The following FGF12 variants were observed in gnomAD, a reference collection of about 807,000 sequenced individuals.
FGF12 encodes fibroblast growth factor 12.
In FGF12, 14 loss-of-function variants were observed where a neutral mutation model predicts 23.6. That is an observed-to-expected ratio of 0.59 (90% CI 0.39 to 0.93). FGF12 has a LOEUF of 0.93. Ranked by LOEUF, FGF12 falls within the 40% of genes least tolerant of loss-of-function variation. The probability of loss-of-function intolerance (pLI) is 0.00; values close to 1 mark genes in which losing one functional copy is unlikely to be tolerated. For synonymous variants in FGF12, 62 were observed against 77.3 expected (o/e 0.80, Z 1.04); for missense variants, 175 against 217.8 (o/e 0.80, Z 1.24).
At chr3:192,655,019 C>T (rs925157436) in intron 2 of FGF12, among the ~76,000 whole-genome samples, 1 of 152,072 alleles carries the variant, frequency 6.6e-6, no homozygotes, top group African/African-American at 2.4e-5. Context: ...TATTTGAGCA[C>T]AAGGAACAAA....
chr3:192,143,206 T>C lies in FGF12; in HGVS notation c.*803A>G, dbSNP rs1012719032. On this transcript the variant is annotated 3_prime_UTR_variant, in exon 6 of 6. Transcript: ENST00000445105. ...TCACTTCAGCATTAGAACAGTAATG[T>C]TTTTGCTAAATTACTAAAAAAAAAA... The C allele has an allele frequency of 6.7e-6, 1 of 149,582 alleles. No homozygotes were observed. The highest frequency in any genetic ancestry group is 2.5e-5 in the African/African-American group (1 of 40,636). 9.3% of individuals were successfully genotyped at this position (149,582 alleles called of 1,614,324 possible). A position where few individuals can be genotyped will look rare whatever the true frequency, so the allele number is the denominator to read the frequency against.
At chr3:192,339,401 A>T (rs10937541) in intron 3 of FGF12, among the ~76,000 whole-genome samples, 99,987 of 151,946 alleles carry the variant, frequency 0.66, 35,540 homozygotes, top group East Asian at 0.94. Flanking sequence ...CATCCTCTTA[A>T]GCCATTTTCC....
intron 4 of FGF12, among the ~76,000 whole-genome samples, chr3:192,205,132 A>G (rs1043623901): frequency 6.6e-6 from 1 of 152,144 alleles, no homozygotes; most frequent in Non-Finnish European, 1.5e-5. Context: ...TATGACAGCC[A>G]TTAGAAAAAA....
At chr3:192,515,406 C>CT (rs1724637160) in intron 2 of FGF12, 1 of 152,924 alleles carries the variant, frequency 6.5e-6, no homozygotes, top group African/African-American at 2.4e-5. Flanking sequence ...AAGAAAGCTC[C>CT]TGGGTGCCGG....
intron 3 of FGF12, among the ~76,000 whole-genome samples, chr3:192,345,459 G>A (rs1479745845): frequency 2.3e-5 from 1 of 43,042 alleles, no homozygotes; most frequent in Non-Finnish European, 3.4e-5. Context: ...AGGCCGAGGC[G>A]GGCGGATCAC....
At chr3:192,284,325 T>C (rs1714322123) in intron 4 of FGF12, among the ~76,000 whole-genome samples, 1 of 152,108 alleles carries the variant, frequency 6.6e-6, no homozygotes, top group South Asian at 2.1e-4. Context: ...CAATTAATAT[T>C]CTTAAATGTA....
intron 4 of FGF12, 55 bp downstream of exon 4, chr3:192,335,306 C>G: frequency 8.7e-7 from 1 of 1,148,718 alleles, no homozygotes; most frequent in Non-Finnish European, 1.3e-6. Context: ...TACTCCATTA[C>G]CTCTCAGTGG....
At chr3:192,714,151 CTAT>C (rs144332632) in intron 2 of FGF12, among the ~76,000 whole-genome samples, 4,859 of 152,198 alleles carry the variant, frequency 0.032, 350 homozygotes, top group Admixed American at 0.18. Flanking sequence ...TAAATAGCTA[CTAT>C]TATTATCTCC....
intron 2 of FGF12, among the ~76,000 whole-genome samples, chr3:192,681,651 T>C (rs1055483981): frequency 6.6e-6 from 1 of 152,216 alleles, no homozygotes; most frequent in South Asian, 2.1e-4. Flanking sequence ...GGAAGTCATT[T>C]TTTAAAGTTT....
intron 2 of FGF12, among the ~76,000 whole-genome samples, chr3:192,658,585 G>T (rs1246706909): frequency 6.6e-6 from 1 of 152,040 alleles, no homozygotes; most frequent in East Asian, 1.9e-4. Flanking sequence ...AGGGCACTTG[G>T]CTTATTTTGA....
At chr3:192,709,030 T>C (rs1560201434) in intron 2 of FGF12, among the ~76,000 whole-genome samples, 1 of 152,206 alleles carries the variant, frequency 6.6e-6, no homozygotes. Context: ...TTCTTAAGTG[T>C]TCACTGAAGA....
At chr3:192,626,283 CAATT>C (rs1045086854) in intron 2 of FGF12, among the ~76,000 whole-genome samples, 1 of 152,136 alleles carries the variant, frequency 6.6e-6, no homozygotes, top group Non-Finnish European at 1.5e-5. Flanking sequence ...TCCAGGCAGT[CAATT>C]AATTATCTAC....
chr3:192,588,071 C>T (rs966470697), intron 2 of FGF12, among the ~76,000 whole-genome samples: 3 of 151,442 alleles, frequency 2.0e-5, no homozygotes, highest in African/African-American at 4.8e-5. Context: ...CCAGGCCGGG[C>T]GCAGCAGCTC....
intron 4 of FGF12, among the ~76,000 whole-genome samples, chr3:192,173,006 T>C (rs974831663): frequency 1.3e-5 from 2 of 150,948 alleles, no homozygotes; most frequent in Non-Finnish European, 1.5e-5. Flanking sequence ...ATGAACCTCA[T>C]ACACATTATG....
intron 2 of FGF12, among the ~76,000 whole-genome samples, chr3:192,696,292 GT>G (rs1718121965): frequency 6.6e-6 from 1 of 152,004 alleles, no homozygotes; most frequent in South Asian, 2.1e-4. Flanking sequence ...AGGCCAGAAG[GT>G]TTTTGCAGAG....
rs149678245 is a variant in FGF12, at chr3:192,707,841, G to A, written c.13+19340C>T. Among the ~76,000 whole-genome samples the A allele has an allele frequency of 4.2e-3, 645 of 151,820 alleles. 3 individuals are homozygous for A. Among genetic ancestry groups the A allele is most frequent in the African/African-American group, 0.015 (621 of 41,412 alleles). On this transcript the variant is annotated intron_variant, in intron 2 of 5. Transcript: ENST00000445105. Reference sequence around the variant, plus strand: ...ACAGCACAGGAATTTCTTCCACCAAGGTGCAGGAGAAAGTTTTTATGCCGA... The same window carrying A: ...ACAGCACAGGAATTTCTTCCACCAAAGTGCAGGAGAAAGTTTTTATGCCGA...
Position 192,545,617 on chromosome 3 carries a change from A to G in FGF12, c.13+181564T>C, listed in dbSNP as rs1002401047. 2.6e-5 allele frequency among the ~76,000 whole-genome samples: 4 copies of G among 152,238 alleles called. 1 individual carries two copies. Among genetic ancestry groups the G allele is most frequent in the Non-Finnish European group, 5.9e-5 (4 of 68,046 alleles). On this transcript the variant is annotated intron_variant, in intron 2 of 5. Coordinates refer to ENST00000445105, the MANE Select transcript of FGF12 (RefSeq NM_004113.6). Reference sequence around the variant, plus strand: ...TGAAGAGAATGAAACTGTAGGTGCTAGAAAAAGTAGCTTCCAGAAGAAAAC... The same window carrying G: ...TGAAGAGAATGAAACTGTAGGTGCTGGAAAAAGTAGCTTCCAGAAGAAAAC...
intron 2 of FGF12, among the ~76,000 whole-genome samples, chr3:192,584,146 A>G (rs939753072): frequency 5.3e-5 from 8 of 152,176 alleles, no homozygotes; most frequent in African/African-American, 1.7e-4. Flanking sequence ...GGAGCAAAAG[A>G]GATGAATAAT....
intron 2 of FGF12, among the ~76,000 whole-genome samples, chr3:192,399,898 C>A (rs2692702): frequency 6.6e-6 from 1 of 152,132 alleles, no homozygotes; most frequent in Non-Finnish European, 1.5e-5. Flanking sequence ...AGAAAAGACT[C>A]TATAGAGTAC....
Sources: gnomAD v4.1 joint callset for allele counts (sites outside exome capture counted in the v4.1 genomes callset) on GRCh38, gnomAD v4.1.1 for gene constraint, MANE v1.5 for transcripts, NCBI Gene and HGNC (gene_info 2026-07-23, HGNC 2026-07-21) for gene names.